The following GSE1 variants were observed in gnomAD, a reference collection of about 807,000 sequenced individuals.
GSE1 encodes the protein genetic suppressor element 1.
In GSE1, 32 loss-of-function variants were observed where a neutral mutation model predicts 112.6. The observed-to-expected ratio is 0.28, with a 90% CI of 0.21 to 0.38. GSE1 has a LOEUF of 0.38. Among genes scored for constraint, GSE1 ranks in the 10% least tolerant of loss-of-function variants. GSE1 has a pLI of 1.00. For synonymous variants in GSE1, 1,115 were observed against 735.6 expected, an observed-to-expected ratio of 1.52 and a Z score of -8.35; for missense variants, 2,348 against 1,699.2, an observed-to-expected ratio of 1.38 and a Z score of -6.71.
chr16:85,175,545 C>T (rs1788786801), intron 1 of GSE1, among the ~76,000 whole-genome samples: 3 of 152,220 alleles, frequency 2.0e-5, no homozygotes, highest in South Asian at 4.1e-4. Flanking sequence ...AGTGGGGTTG[C>T]GGATGCGTTG....
At chr16:85,267,172 G>A (rs923877074) in intron 1 of GSE1, among the ~76,000 whole-genome samples, 1 of 152,178 alleles carries the variant, frequency 6.6e-6, no homozygotes, top group Non-Finnish European at 1.5e-5. Context: ...GGCTGCCTGG[G>A]CTGGCCTCCC....
At chr16:85,426,087 G>C (rs12445065) in intron 2 of GSE1, among the ~76,000 whole-genome samples, 1 of 25,640 alleles carries the variant, frequency 3.9e-5, no homozygotes, top group Non-Finnish European at 2.3e-4. Context: ...AGATGGATGG[G>C]TGAATGAGAG....
chr16:85,535,755 T>C (rs1356770775), intron 2 of GSE1, among the ~76,000 whole-genome samples: 1 of 152,186 alleles, frequency 6.6e-6, no homozygotes, highest in Non-Finnish European at 1.5e-5. Context: ...TAGGCGCCAA[T>C]GGGAACCATT....
intron 1 of GSE1, among the ~76,000 whole-genome samples, chr16:85,177,964 A>G (rs919580202): frequency 1.3e-5 from 2 of 152,004 alleles, no homozygotes; most frequent in African/African-American, 4.8e-5. Context: ...TATTCTACCC[A>G]CTAACTGAAC....
rs142914094 is a variant in GSE1 at position 85,389,960 on chromosome 16, C to T, written c.2464+32317C>T. Among the ~76,000 whole-genome samples, 45 of 152,266 alleles carry T rather than the reference C, an allele frequency of 3.0e-4. No individual in the cohort carries two copies. The East Asian group carries it at 7.9e-3, about 27-fold the overall frequency. On this transcript the variant is annotated intron_variant, in intron 2 of 2. Coordinates refer to the GSE1 transcript ENST00000637419. ...TCAGGCTCTTCGTCTCGTTTTACCC[C>T]AGGGGAAAGTGAGGCATGACTGAAG...
intron 1 of GSE1, among the ~76,000 whole-genome samples, chr16:85,332,914 G>A (rs533019998): frequency 6.6e-6 from 1 of 152,010 alleles, no homozygotes; most frequent in African/African-American, 2.4e-5. Context: ...TTTATCCCCT[G>A]TACCAGCCGG....
chr16:85,541,858 A>G (rs935449992), intron 2 of GSE1, among the ~76,000 whole-genome samples: 2 of 152,174 alleles, frequency 1.3e-5, no homozygotes, highest in African/African-American at 4.8e-5. Context: ...CTCCATCTGC[A>G]GAAGGGGAGA....
At chr16:85,548,814 G>A (rs756972204) in intron 2 of GSE1, among the ~76,000 whole-genome samples, 3 of 151,732 alleles carry the variant, frequency 2.0e-5, no homozygotes, top group Admixed American at 6.6e-5. Context: ...TGTTGGAGAC[G>A]GAGTCTCACT....
At chr16:85,464,207 G>C (rs1157825916) in intron 2 of GSE1, among the ~76,000 whole-genome samples, 3 of 152,088 alleles carry the variant, frequency 2.0e-5, no homozygotes, top group Non-Finnish European at 4.4e-5. Flanking sequence ...TGAAAACTCA[G>C]GGGGAGAAAG....
chr16:85,635,174 G>A (rs2049886073), intron 2 of GSE1, among the ~76,000 whole-genome samples: 1 of 152,194 alleles, frequency 6.6e-6, no homozygotes. Flanking sequence ...TCTCCTTCCT[G>A]GATCCTTTCT....
chr16:85,463,595 A>T (rs2151829059), intron 2 of GSE1, among the ~76,000 whole-genome samples: 1 of 152,248 alleles, frequency 6.6e-6, no homozygotes, highest in South Asian at 2.1e-4. Context: ...TTGCTTGCAC[A>T]GGTGGGACCT....
chr16:85,455,429 AAAAG>A (rs2049800020), intron 2 of GSE1, among the ~76,000 whole-genome samples: 1 of 152,178 alleles, frequency 6.6e-6, no homozygotes. Flanking sequence ...AAGAAAAGAA[AAAAG>A]AAACTCCACC....
At chr16:85,188,692 G>A (rs1348741750) in intron 1 of GSE1, among the ~76,000 whole-genome samples, 1 of 151,696 alleles carries the variant, frequency 6.6e-6, no homozygotes, top group East Asian at 1.9e-4. Context: ...TTCCAGATAC[G>A]GGGGAGGCTG....
chr16:85,258,546 C>G (rs9319462), intron 1 of GSE1, among the ~76,000 whole-genome samples: 50,641 of 152,100 alleles, frequency 0.33, 11,427 homozygotes, highest in African/African-American at 0.65. Context: ...CCCCTTCCCG[C>G]CTGCCCTCCA....
At chr16:85,584,121 G>C (rs2046576815) in intron 1 of GSE1, among the ~76,000 whole-genome samples, 1 of 152,222 alleles carries the variant, frequency 6.6e-6, no homozygotes, top group Admixed American at 6.5e-5. Context: ...ACAGCCCGCA[G>C]ACTGGCCTTG....
intron 1 of GSE1, among the ~76,000 whole-genome samples, chr16:85,173,272 C>CAGATA (rs1348080934): frequency 2.0e-5 from 3 of 152,306 alleles, no homozygotes; most frequent in Non-Finnish European, 4.4e-5. Context: ...AGACAACACT[C>CAGATA]AGTCAGTAGG....
At chr16:85,409,365 A>G (rs1233636613) in intron 2 of GSE1, among the ~76,000 whole-genome samples, 2 of 35,266 alleles carry the variant, frequency 5.7e-5, no homozygotes, top group Admixed American at 2.6e-4. Flanking sequence ...CCTCACTGTT[A>G]CACTCAGGCC....
intron 1 of GSE1, among the ~76,000 whole-genome samples, chr16:85,347,492 C>T (rs2046766940): frequency 6.6e-6 from 1 of 152,198 alleles, no homozygotes; most frequent in African/African-American, 2.4e-5. Context: ...CCATCAGCTG[C>T]CTCCGAGCCT....
chr16:85,669,144 C>A (rs1024942444), intron 14 of GSE1, among the ~76,000 whole-genome samples: 1 of 152,240 alleles, frequency 6.6e-6, no homozygotes, highest in African/African-American at 2.4e-5. Flanking sequence ...CCTCAGTTTC[C>A]CTAGGATATT....
Sources: gnomAD v4.1 joint callset for allele counts (sites outside exome capture counted in the v4.1 genomes callset) on GRCh38, gnomAD v4.1.1 for gene constraint, MANE v1.5 for transcripts, NCBI Gene and HGNC (gene_info 2026-07-23, HGNC 2026-07-21) for gene names.